Variants in FTCDNL1 observed in about 807,000 individuals in gnomAD.
FTCDNL1 encodes the protein formiminotransferase cyclodeaminase N-terminal like.
Under a neutral mutation model 5.9 loss-of-function variants are expected in FTCDNL1, and 11 were observed. The observed-to-expected ratio is 1.87, with a 90% CI of 1.18 to 3.10. The LOEUF is 3.10. Ranked by LOEUF, FTCDNL1 falls within the 30% of genes most tolerant of loss-of-function variation. FTCDNL1 has a pLI of 0.00. For missense variants in FTCDNL1, 115 were observed against 65.5 expected (o/e 1.76, Z -2.61); for synonymous variants, 58 against 24.8 (o/e 2.34, Z -3.99).
chr2:199,740,070 G>T, the FTCDNL1 span, among the ~76,000 whole-genome samples: 1 of 152,064 alleles, frequency 6.6e-6, no homozygotes, highest in African/African-American at 2.4e-5. Context: ...TGTTTAAAGG[G>T]GAAATTAATT....
chr2:199,834,800 T>C (rs1169338960), intron 3 of FTCDNL1, among the ~76,000 whole-genome samples: 1 of 152,232 alleles, frequency 6.6e-6, no homozygotes, highest in East Asian at 1.9e-4. Context: ...GTGACCTTCT[T>C]CTTTCTCTAC....
the FTCDNL1 span, among the ~76,000 whole-genome samples, chr2:199,694,139 C>T: frequency 2.6e-5 from 4 of 152,132 alleles, no homozygotes; most frequent in African/African-American, 9.7e-5. Flanking sequence ...GTTGCCCTTG[C>T]CCCCTGAGCA....
intron 3 of FTCDNL1, among the ~76,000 whole-genome samples, chr2:199,830,567 C>T (rs1702304120): frequency 6.6e-6 from 1 of 152,160 alleles, no homozygotes; most frequent in Non-Finnish European, 1.5e-5. Flanking sequence ...GTCCCATATG[C>T]TCTGCTTTGA....
the FTCDNL1 span, among the ~76,000 whole-genome samples, chr2:199,715,307 A>C: frequency 2.6e-5 from 4 of 152,116 alleles, no homozygotes; most frequent in African/African-American, 9.7e-5. Flanking sequence ...CTCATCTTGA[A>C]CTGTGGCTCC....
intron 3 of FTCDNL1, among the ~76,000 whole-genome samples, chr2:199,774,598 C>T (rs546817782): frequency 6.6e-6 from 1 of 152,232 alleles, no homozygotes; most frequent in East Asian, 1.9e-4. Context: ...GAGTTCCAGG[C>T]AAAACGGGTT....
At chr2:199,785,512 A>C (rs1699598148) in intron 3 of FTCDNL1, 1 of 152,064 alleles carries the variant, frequency 6.6e-6, no homozygotes, top group East Asian at 1.9e-4. Context: ...CTGGGATTAC[A>C]AGCGTGAGCC....
the FTCDNL1 span, among the ~76,000 whole-genome samples, chr2:199,714,893 T>G: frequency 6.7e-5 from 9 of 134,758 alleles, no homozygotes; most frequent in African/African-American, 2.6e-4. Flanking sequence ...AAATGAACAA[T>G]GAGAACACAT....
chr2:199,804,522 A>G (rs182217396), downstream of FTCDNL1, among the ~76,000 whole-genome samples: 1 of 152,304 alleles, frequency 6.6e-6, no homozygotes, highest in African/African-American at 2.4e-5. Context: ...AATGCTTTCC[A>G]TGGCATTTCC....
the FTCDNL1 span, among the ~76,000 whole-genome samples, chr2:199,698,738 C>G: frequency 6.6e-6 from 1 of 151,780 alleles, no homozygotes; most frequent in Non-Finnish European, 1.5e-5. Flanking sequence ...ACAACCAGTC[C>G]CAAAGCTAGT....
At chr2:199,733,505 G>A in the FTCDNL1 span, among the ~76,000 whole-genome samples, 3 of 152,294 alleles carry the variant, frequency 2.0e-5, no homozygotes, top group East Asian at 5.8e-4. Context: ...GCCCAAAAGA[G>A]CATCACTGGA....
chr2:199,846,201 AT>A (rs758407721), intron 2 of FTCDNL1, 31 bp from the exon 3 acceptor site: 14 of 663,230 alleles, frequency 2.1e-5, no homozygotes, highest in Middle Eastern at 2.5e-4. Flanking sequence ...AAGTGCAAGA[AT>A]TTTTTTTCTG....
At chr2:199,735,448 T>C in the FTCDNL1 span, among the ~76,000 whole-genome samples, 18,739 of 152,054 alleles carry the variant, frequency 0.12, 1,430 homozygotes, top group Middle Eastern at 0.3. Flanking sequence ...ATTTATACAA[T>C]AGTGAATATT....
chr2:199,743,720 G>A, the FTCDNL1 span, among the ~76,000 whole-genome samples: 2 of 151,982 alleles, frequency 1.3e-5, no homozygotes, highest in African/African-American at 4.8e-5. Flanking sequence ...GCAGGCCATC[G>A]TTAATAAAAT....
the FTCDNL1 span, among the ~76,000 whole-genome samples, chr2:199,744,421 T>C: frequency 1.3e-5 from 2 of 151,460 alleles, no homozygotes; most frequent in Non-Finnish European, 2.9e-5. Flanking sequence ...TCTCTCTCTC[T>C]CTCTACACAA....
intron 3 of FTCDNL1, among the ~76,000 whole-genome samples, chr2:199,843,100 T>A (rs1184297982): frequency 6.6e-6 from 1 of 152,192 alleles, no homozygotes; most frequent in Non-Finnish European, 1.5e-5. Context: ...GCTATTACAT[T>A]TCAAATCAAA....
chr2:199,845,053 G>A (rs188640626), intron 3 of FTCDNL1, among the ~76,000 whole-genome samples: 294 of 151,830 alleles, frequency 1.9e-3, no homozygotes, highest in Non-Finnish European at 2.5e-3. Context: ...GCCCAAACAC[G>A]TAAATTTTTT....
the FTCDNL1 span, among the ~76,000 whole-genome samples, chr2:199,709,653 A>G: frequency 0.023 from 3,525 of 152,192 alleles, 144 homozygotes; most frequent in African/African-American, 0.079. Context: ...AAGATGAAAA[A>G]TGAAAATCTG....
the FTCDNL1 span, among the ~76,000 whole-genome samples, chr2:199,708,493 A>C: frequency 7.3e-4 from 111 of 152,030 alleles, 8 homozygotes; most frequent in Non-Finnish European, 2.9e-5. Context: ...TTAGTACCTG[A>C]ATTTCATTAT....
intron 3 of FTCDNL1, among the ~76,000 whole-genome samples, chr2:199,782,151 A>T (rs1400421730): frequency 6.6e-6 from 1 of 152,204 alleles, no homozygotes; most frequent in Non-Finnish European, 1.5e-5. Context: ...AACTGGGGCC[A>T]CTATTTGTGA....
Sources: gnomAD v4.1 joint callset for allele counts (sites outside exome capture counted in the v4.1 genomes callset) on GRCh38, gnomAD v4.1.1 for gene constraint, MANE v1.5 for transcripts, NCBI Gene and HGNC (gene_info 2026-07-23, HGNC 2026-07-21) for gene names.